LGALS8: variants seen among roughly 807,000 people sequenced by gnomAD.
LGALS8 encodes galectin 8, also known as galectin-8.
In LGALS8, 30 loss-of-function variants were observed where a neutral mutation model predicts 35.9. That is an observed-to-expected ratio of 0.83 (90% CI 0.62 to 1.13). LGALS8 has a LOEUF of 1.13. Among genes scored for constraint, LGALS8 ranks in the 50% most tolerant of loss-of-function variants. The pLI is 0.00. For missense variants in LGALS8, 366 were observed against 388.7 expected (o/e 0.94, Z 0.49); for synonymous variants, 138 against 136.1 (o/e 1.01, Z -0.10).
At position 236,526,091 on chromosome 1, in the gene LGALS8, C is replaced by T. The variant is rs1309922148; in HGVS notation, c.21C>T (p.Asn7=). 2 of 1,611,806 alleles carry T rather than the reference C, an allele frequency of 1.2e-6. No individual in the cohort carries two copies. Among genetic ancestry groups the T allele is most frequent in the African/African-American group, 1.3e-5 (1 of 74,860 alleles). MMLSLN[N]LQNIIYNPVI... ...AAAGAATGATGTTGTCCTTAAACAA[C>T]CTACAGAATATCATCTATAACCCGG... The change falls in exon 2 of 10, where the codon AAC becomes AAT. Residue 7 remains asparagine, a synonymous_variant. Transcript: ENST00000366584. The surrounding 1 kb of genome is among the most constrained non-coding windows in gnomAD (Gnocchi z 4.6).
At chr1:236,539,299 A>C in intron 4 of LGALS8, 1 of 571,766 alleles carries the variant, frequency 1.7e-6, no homozygotes, top group Non-Finnish European at 3.2e-6. Flanking sequence ...CCATGCAGAA[A>C]TATGGTCCAC....
chr1:236,542,589 A>C (rs1190838926), intron 6 of LGALS8, 172 bp from the exon 7 acceptor site: 3 of 674,426 alleles, frequency 4.4e-6, no homozygotes, highest in Non-Finnish European at 8.0e-6. Flanking sequence ...GTAGCCCTTC[A>C]CAACACCATA....
At chr1:236,542,618 C>A in intron 6 of LGALS8, 143 bp from the exon 7 acceptor site, 2 of 800,918 alleles carry the variant, frequency 2.5e-6, no homozygotes, top group Non-Finnish European at 4.3e-6. Flanking sequence ...TCATAAAGCA[C>A]CAGCTGCCTG....
upstream of LGALS8, among the ~76,000 whole-genome samples, chr1:236,520,006 G>T (rs1233131090): frequency 7.1e-6 from 1 of 140,208 alleles, no homozygotes; most frequent in African/African-American, 2.7e-5. Flanking sequence ...GCCCAGGCTG[G>T]AGTACAGTGG....
intron 1 of LGALS8, chr1:236,524,321 C>T (rs768523019): frequency 2.6e-5 from 12 of 456,146 alleles, no homozygotes; most frequent in Non-Finnish European, 4.9e-5. Flanking sequence ...CTTTCTTGGA[C>T]ATCCCTGGCT....
chr1:236,528,394 A>C (rs76396896), intron 2 of LGALS8, among the ~76,000 whole-genome samples: 46,938 of 145,678 alleles, frequency 0.32, 8,452 homozygotes, highest in East Asian at 0.48. Context: ...AAAAAAAAAA[A>C]CCCCCCCACA....
At chr1:236,535,410 A>C (rs1288415947) in intron 2 of LGALS8, among the ~76,000 whole-genome samples, 2 of 151,932 alleles carry the variant, frequency 1.3e-5, no homozygotes, top group Non-Finnish European at 2.9e-5. Flanking sequence ...TTTCTTTTTA[A>C]TGTTTATATT....
intron 2 of LGALS8, 49 bp from the exon 3 acceptor site, chr1:236,537,444 TAGTA>T (rs1358193014): frequency 4.4e-5 from 48 of 1,088,110 alleles, no homozygotes; most frequent in East Asian, 1.4e-4. Flanking sequence ...TGTAATTGCT[TAGTA>T]AGTAATTTTG....
At chr1:236,543,377 T>A (rs1431420236) in intron 7 of LGALS8, 183 bp from the exon 8 acceptor site, 3 of 702,552 alleles carry the variant, frequency 4.3e-6, no homozygotes, top group South Asian at 3.0e-5. Flanking sequence ...CATGTGTGTT[T>A]GCTTCGAGCC....
intron 2 of LGALS8, among the ~76,000 whole-genome samples, chr1:236,535,182 C>G (rs1661404124): frequency 6.6e-6 from 1 of 150,992 alleles, no homozygotes; most frequent in African/African-American, 2.4e-5. Flanking sequence ...AATATCGATG[C>G]TTATTATAGA....
At chr1:236,539,137 T>C (rs1391831133) in intron 4 of LGALS8, 48 bp downstream of exon 4, 1 of 1,419,904 alleles carries the variant, frequency 7.0e-7, no homozygotes. Context: ...TGAGCAGGAG[T>C]GCACAGGGGT....
chr1:236,535,744 C>T (rs1661450974), intron 2 of LGALS8, among the ~76,000 whole-genome samples: 1 of 152,172 alleles, frequency 6.6e-6, no homozygotes, highest in South Asian at 2.1e-4. Flanking sequence ...GTGCCTCCCA[C>T]CCTGCTCCTA....
rs1662731804 is a variant in LGALS8 at position 236,551,308 on chromosome 1, T to C, written c.*3147T>C. On this transcript the variant is annotated 3_prime_UTR_variant, in exon 10 of 10. Transcript: ENST00000366584. ...CTAAGAAACAAAGGAGAATGTACTT[T>C]TGTAGCTTAGATAAGCAATGAATCA... 1 of 306,300 alleles carries C rather than the reference T, an allele frequency of 3.3e-6. No homozygotes were observed. The highest frequency in any genetic ancestry group is 6.1e-6 in the Non-Finnish European group (1 of 165,080). 19.0% of individuals were successfully genotyped at this position (306,300 alleles called of 1,614,324 possible). A position where few individuals can be genotyped will look rare whatever the true frequency, so the allele number is the denominator to read the frequency against.
intron 1 of LGALS8, 161 bp downstream of exon 1, chr1:236,524,222 C>T (rs908463562): frequency 2.0e-5 from 9 of 456,232 alleles, no homozygotes; most frequent in African/African-American, 1.8e-4. Context: ...CGCCGGTCCT[C>T]ACCGCGGCAG....
chr1:236,541,588 AT>A (rs560346746), intron 5 of LGALS8, 65 bp from the exon 6 acceptor site: 2 of 798,646 alleles, frequency 2.5e-6, no homozygotes, highest in Non-Finnish European at 4.0e-6. Context: ...TTATATGTCA[AT>A]ATAAAATATT....
chr1:236,532,172 A>C (rs1326424039), intron 2 of LGALS8, among the ~76,000 whole-genome samples: 1 of 152,202 alleles, frequency 6.6e-6, no homozygotes, highest in East Asian at 1.9e-4. Context: ...GTTCAGGTAC[A>C]GGAAATCCCC....
rs1165923093 is a variant in LGALS8, at chr1:236,551,617, G to A, written c.*3456G>A. 1.4e-4 allele frequency: 23 copies of A among 169,416 alleles called. No individual in the cohort carries two copies. The highest frequency in any genetic ancestry group is 1.3e-3 in the Admixed American group (21 of 16,364). The allele number at this position is 169,416 out of a possible 1,614,324, so 10.5% of individuals were successfully genotyped here. A position where few individuals can be genotyped will look rare whatever the true frequency, so the allele number is the denominator to read the frequency against. ...TGCTACTAAAAGTGGACATCCTACTGCATCCTTAATGCCACTAGGCATTTC... is the reference window on the plus strand; with the variant it reads ...TGCTACTAAAAGTGGACATCCTACTACATCCTTAATGCCACTAGGCATTTC... On this transcript the variant is annotated 3_prime_UTR_variant, in exon 10 of 10. Coordinates refer to ENST00000366584, the MANE Select transcript of LGALS8 (RefSeq NM_201544.4).
intron 7 of LGALS8, chr1:236,543,003 C>A: frequency 6.2e-7 from 1 of 1,614,192 alleles, no homozygotes; most frequent in Non-Finnish European, 8.5e-7. Flanking sequence ...CACACTTTGA[C>A]TTGCACCAAA....
intron 9 of LGALS8, among the ~76,000 whole-genome samples, chr1:236,547,674 G>C (rs1406930724): frequency 1.1e-5 from 1 of 91,426 alleles, no homozygotes; most frequent in African/African-American, 3.3e-5. Flanking sequence ...CCCAGCATCG[G>C]CGAGGAGGGG....
Sources: gnomAD v4.1 joint callset for allele counts (sites outside exome capture counted in the v4.1 genomes callset) on GRCh38, gnomAD v4.1.1 for gene constraint, Gnocchi (gnomAD v3.1) non-coding constraint, MANE v1.5 for transcripts, NCBI Gene and HGNC (gene_info 2026-07-23, HGNC 2026-07-21) for gene names.